STK32A: variants seen among roughly 807,000 people sequenced by gnomAD.
STK32A encodes serine/threonine kinase 32A.
STK32A carries 41 observed loss-of-function variants against 53.2 expected under a neutral mutation model. The observed-to-expected ratio is 0.77, with a 90% CI of 0.60 to 1.00. The LOEUF is 1.00. STK32A is among the 50% of genes least tolerant of loss of function. The pLI is 0.00. For missense variants in STK32A, 458 were observed against 485.8 expected, an observed-to-expected ratio of 0.94 and a Z score of 0.54; for synonymous variants, 166 against 162.8, an observed-to-expected ratio of 1.02 and a Z score of -0.15.
the STK32A span, chr5:147,401,700 G>C: frequency 1.2e-6 from 2 of 1,614,002 alleles, no homozygotes; most frequent in Non-Finnish European, 1.7e-6. Flanking sequence ...ACATTTCCTA[G>C]AAGGGGCAGG....
intron 2 of STK32A, among the ~76,000 whole-genome samples, chr5:147,273,669 C>T (rs774764122): frequency 2.6e-5 from 4 of 152,110 alleles, no homozygotes; most frequent in Admixed American, 6.5e-5. Flanking sequence ...GTTAATGAGC[C>T]TTATTGGGTA....
chr5:147,315,092 T>G (rs768109684), intron 4 of STK32A, among the ~76,000 whole-genome samples: 2 of 152,118 alleles, frequency 1.3e-5, no homozygotes, highest in South Asian at 2.1e-4. Context: ...GGAGAGGATG[T>G]AGAGAAACTG....
At chr5:147,401,841 T>G in the STK32A span, 1 of 885,364 alleles carries the variant, frequency 1.1e-6, no homozygotes. Flanking sequence ...TCCCACCTTT[T>G]TAAAGCCCCT....
chr5:147,286,898 T>C (rs556043317), intron 4 of STK32A, among the ~76,000 whole-genome samples: 1 of 152,302 alleles, frequency 6.6e-6, no homozygotes, highest in South Asian at 2.1e-4. Flanking sequence ...TCTTTCCCCA[T>C]GAACTGCACG....
chr5:147,263,535 C>T (rs1465126832), intron 2 of STK32A, among the ~76,000 whole-genome samples: 6 of 151,908 alleles, frequency 3.9e-5, no homozygotes, highest in East Asian at 1.9e-4. Flanking sequence ...AATAACCAGA[C>T]AAAAAACAAA....
the STK32A span, chr5:147,393,776 T>G: frequency 2.0e-6 from 1 of 490,038 alleles, no homozygotes. Flanking sequence ...TCTTTTACCT[T>G]AGTGGCCTGT....
At chr5:147,283,988 A>G (rs1488230002) in intron 4 of STK32A, among the ~76,000 whole-genome samples, 3 of 152,118 alleles carry the variant, frequency 2.0e-5, no homozygotes. Flanking sequence ...ACTGCAGACC[A>G]ATATCACTGA....
the STK32A span, among the ~76,000 whole-genome samples, chr5:147,395,097 T>A: frequency 6.6e-6 from 1 of 152,200 alleles, no homozygotes; most frequent in Non-Finnish European, 1.5e-5. Context: ...GTTAGCATTA[T>A]TATAATTACT....
chr5:147,362,401 T>C (rs1756549909), intron 8 of STK32A, among the ~76,000 whole-genome samples: 1 of 152,202 alleles, frequency 6.6e-6, no homozygotes, highest in Non-Finnish European at 1.5e-5. Context: ...TGTCCTCACA[T>C]GGCAGAGAGA....
chr5:147,265,745 G>A (rs1229916766), intron 2 of STK32A, among the ~76,000 whole-genome samples: 1 of 152,040 alleles, frequency 6.6e-6, no homozygotes, highest in East Asian at 1.9e-4. Context: ...CAAAGCCGTG[G>A]CTCCTAGGGA....
intron 5 of STK32A, among the ~76,000 whole-genome samples, chr5:147,336,148 G>A (rs1371577037): frequency 6.6e-6 from 1 of 152,102 alleles, no homozygotes; most frequent in Non-Finnish European, 1.5e-5. Context: ...TATATGTGAA[G>A]TGTGTATATG....
intron 1 of STK32A, among the ~76,000 whole-genome samples, chr5:147,235,925 AGT>A (rs1380243681): frequency 6.6e-6 from 1 of 152,172 alleles, no homozygotes; most frequent in African/African-American, 2.4e-5. Context: ...GTTAACTGAG[AGT>A]GTTATTAACT....
intron 2 of STK32A, among the ~76,000 whole-genome samples, chr5:147,242,558 C>T (rs1193604362): frequency 6.6e-6 from 1 of 152,124 alleles, no homozygotes; most frequent in Non-Finnish European, 1.5e-5. Flanking sequence ...AAGGAGGTGA[C>T]ATTTGGGCTG....
intron 4 of STK32A, among the ~76,000 whole-genome samples, chr5:147,282,389 CA>C (rs1169821623): frequency 6.6e-6 from 1 of 151,988 alleles, no homozygotes; most frequent in East Asian, 1.9e-4. Context: ...GAAAAAAACC[CA>C]AAGTACACAG....
At chr5:147,287,606 C>T (rs185795839) in intron 4 of STK32A, among the ~76,000 whole-genome samples, 100 of 152,238 alleles carry the variant, frequency 6.6e-4, no homozygotes, top group African/African-American at 2.2e-3. Context: ...TTATGCACTA[C>T]TCGGATATGG....
intron 11 of STK32A, among the ~76,000 whole-genome samples, chr5:147,382,599 GTTTTTA>G (rs1757495857): frequency 6.6e-6 from 1 of 151,998 alleles, no homozygotes; most frequent in African/African-American, 2.4e-5. Context: ...TTTTGTTATT[GTTTTTA>G]TTTTTATTTT....
the STK32A span, chr5:147,399,378 G>T: frequency 8.8e-7 from 1 of 1,142,132 alleles, no homozygotes; most frequent in Non-Finnish European, 1.2e-6. Flanking sequence ...CTGAAAAGCT[G>T]GTGAGCTACA....
intron 7 of STK32A, among the ~76,000 whole-genome samples, chr5:147,353,713 C>G (rs1318886905): frequency 6.6e-6 from 1 of 152,004 alleles, no homozygotes; most frequent in Non-Finnish European, 1.5e-5. Flanking sequence ...TGAGCCGAGA[C>G]TGTGTCACTG....
rs565575672 is a variant in STK32A, at chr5:147,299,314, TC to T, written c.260+19917del. ...GTGTAGCATTGAGGACGACCAGAGA[TC>T]ACTCTCATCGTCATCTTGGTTTTGG... On this transcript the variant is annotated intron_variant, in intron 4 of 12. Transcript: ENST00000397936. Among the ~76,000 whole-genome samples, 332 of 152,198 alleles carry T rather than the reference TC, an allele frequency of 2.2e-3. 2 individuals carry two copies. The highest frequency in any genetic ancestry group is 7.7e-3 in the South Asian group (37 of 4,822).
Sources: allele counts gnomAD v4.1 joint callset (sites outside exome capture counted in the v4.1 genomes callset), GRCh38; gene constraint gnomAD v4.1.1; transcripts MANE v1.5; gene names NCBI Gene and HGNC (gene_info 2026-07-23, HGNC 2026-07-21).